Variants in SEMA3A observed in about 807,000 individuals in gnomAD.
SEMA3A encodes the protein semaphorin 3A, also known as semaphorin-3A.
A neutral mutation model predicts 97.9 loss-of-function variants in SEMA3A; 29 were observed. That is an observed-to-expected ratio of 0.30 (90% CI 0.22 to 0.40). The LOEUF (loss-of-function observed/expected upper bound fraction) is 0.40, where lower values mean the gene tolerates loss of function less well. Ranked by LOEUF, SEMA3A falls within the 10% of genes least tolerant of loss-of-function variation. The pLI is 1.00. For synonymous variants in SEMA3A, 321 were observed against 323.7 expected (o/e 0.99, Z 0.09); for missense variants, 763 against 951.3 (o/e 0.80, Z 2.60).
chr7:84,081,118 A>G (rs1430445877), intron 4 of SEMA3A, among the ~76,000 whole-genome samples: 3 of 152,166 alleles, frequency 2.0e-5, no homozygotes, highest in African/African-American at 7.2e-5. Flanking sequence ...AGATCATTGC[A>G]TATATATGTA....
chr7:84,154,011 G>C (rs1354378896), intron 1 of SEMA3A, among the ~76,000 whole-genome samples: 2 of 151,908 alleles, frequency 1.3e-5, no homozygotes, highest in Admixed American at 1.3e-4. Context: ...GAATTCAGGA[G>C]AACACTACAT....
intron 1 of SEMA3A, among the ~76,000 whole-genome samples, chr7:84,173,636 G>A (rs1423747516): frequency 2.7e-5 from 4 of 150,738 alleles, no homozygotes; most frequent in South Asian, 2.1e-4. Flanking sequence ...ATTAGAAACT[G>A]AATACATTTC....
intron 1 of SEMA3A, among the ~76,000 whole-genome samples, chr7:84,473,099 C>T (rs1326936913): frequency 6.7e-6 from 1 of 149,838 alleles, no homozygotes; most frequent in Non-Finnish European, 1.5e-5. Flanking sequence ...CATAAAATTG[C>T]TTCAGAGAAG....
At position 83,958,304 on chromosome 7, in the gene SEMA3A, CAT is replaced by C. The variant is rs1304396828; in HGVS notation, c.*3065_*3066del. ...TTTATGAGCTTATGTTCCTTAACAC[CAT>C]ATGTTATAGGGAACAGTAAAGACAT... On this transcript the variant is annotated 3_prime_UTR_variant, in exon 17 of 17. Transcript: ENST00000265362. 1 of 152,390 alleles carries C rather than the reference CAT, an allele frequency of 6.6e-6. No homozygotes were observed. The highest frequency in any genetic ancestry group is 2.4e-5 in the African/African-American group (1 of 41,390). The allele number at this position is 152,390 out of a possible 1,614,324, so 9.4% of individuals were successfully genotyped here.
chr7:84,164,785 A>T (rs974242133), intron 1 of SEMA3A, among the ~76,000 whole-genome samples: 4 of 152,212 alleles, frequency 2.6e-5, no homozygotes, highest in African/African-American at 9.7e-5. Context: ...GAATCAGAAA[A>T]TAGTTCTTAA....
chr7:84,463,919 A>G (rs918729118), intron 1 of SEMA3A, among the ~76,000 whole-genome samples: 1 of 152,112 alleles, frequency 6.6e-6, no homozygotes, highest in Non-Finnish European at 1.5e-5. Flanking sequence ...TCCAGGGACA[A>G]GGTCCGTACC....
intron 1 of SEMA3A, among the ~76,000 whole-genome samples, chr7:84,415,940 A>C (rs1365756246): frequency 6.6e-6 from 1 of 152,102 alleles, no homozygotes; most frequent in Non-Finnish European, 1.5e-5. Flanking sequence ...ATACGGCACC[A>C]AAATTATCAA....
chr7:84,477,240 C>G (rs1445007898), intron 1 of SEMA3A, among the ~76,000 whole-genome samples: 2 of 150,354 alleles, frequency 1.3e-5, no homozygotes, highest in Non-Finnish European at 3.0e-5. Flanking sequence ...AGTTCAAGAC[C>G]AGCCTGTCCA....
At chr7:84,085,083 T>C (rs1794288703) in intron 4 of SEMA3A, among the ~76,000 whole-genome samples, 2 of 152,054 alleles carry the variant, frequency 1.3e-5, no homozygotes, top group African/African-American at 4.8e-5. Context: ...TTTTTTTTTC[T>C]TTATACATAC....
chr7:84,095,384 T>C (rs1473618150), intron 4 of SEMA3A, among the ~76,000 whole-genome samples: 1 of 84,452 alleles, frequency 1.2e-5, no homozygotes, highest in African/African-American at 3.1e-5. Context: ...TATATATATA[T>C]ATATTCCCAT....
chr7:84,158,151 T>TC (rs1296975573), intron 1 of SEMA3A, among the ~76,000 whole-genome samples: 2 of 119,680 alleles, frequency 1.7e-5, no homozygotes, highest in Non-Finnish European at 3.3e-5. Context: ...GCTAATTCTT[T>TC]TTTTTTTTTT....
intron 3 of SEMA3A, among the ~76,000 whole-genome samples, chr7:84,248,097 T>G (rs1799517108): frequency 6.6e-6 from 1 of 152,200 alleles, no homozygotes; most frequent in Non-Finnish European, 1.5e-5. Context: ...CATACTATCT[T>G]CCTTTATTGC....
chr7:84,161,298 A>G (rs1480315476), intron 1 of SEMA3A, among the ~76,000 whole-genome samples: 2 of 151,878 alleles, frequency 1.3e-5, no homozygotes, highest in African/African-American at 4.8e-5. Flanking sequence ...CGGGAGGTGG[A>G]GGTTGCAGTT....
intron 1 of SEMA3A, among the ~76,000 whole-genome samples, chr7:84,423,299 C>T (rs1370524218): frequency 1.3e-5 from 2 of 151,982 alleles, no homozygotes; most frequent in Non-Finnish European, 2.9e-5. Context: ...GTGGTCTCTC[C>T]ACCTCTTTTA....
intron 1 of SEMA3A, among the ~76,000 whole-genome samples, chr7:84,376,201 AC>A (rs1803092993): frequency 6.6e-6 from 1 of 152,178 alleles, no homozygotes; most frequent in African/African-American, 2.4e-5. Flanking sequence ...TTGGATATAT[AC>A]CCAGCAGTGG....
intron 1 of SEMA3A, among the ~76,000 whole-genome samples, chr7:84,414,599 G>T (rs78895736): frequency 0.026 from 3,982 of 152,048 alleles, 162 homozygotes; most frequent in African/African-American, 0.09. Flanking sequence ...ACAACATCAC[G>T]TGTAGTATTC....
intron 4 of SEMA3A, among the ~76,000 whole-genome samples, chr7:84,070,444 C>A (rs1793697095): frequency 6.6e-6 from 1 of 151,838 alleles, no homozygotes; most frequent in African/African-American, 2.4e-5. Context: ...CAATGTTGTC[C>A]AAGTCATAAA....
In SEMA3A at chr7:83,989,292, CA is replaced by C. The variant is rs555159939; in HGVS notation, c.1453-3816del. ...ATACATTTCATGTTCCTTAATAATACAAAAAAAATCTATAAGGTAGATAAAA... is the reference window on the plus strand; with the variant it reads ...ATACATTTCATGTTCCTTAATAATACAAAAAAATCTATAAGGTAGATAAAA... On this transcript the variant is annotated intron_variant, in intron 12 of 16. Transcript: ENST00000265362. 1.0e-3 allele frequency among the ~76,000 whole-genome samples: 152 copies of C among 151,784 alleles called. 1 individual carries two copies. Among genetic ancestry groups the C allele is most frequent in the African/African-American group, 2.8e-3 (118 of 41,418 alleles).
At chr7:84,465,062 C>T (rs1805955419) in intron 1 of SEMA3A, among the ~76,000 whole-genome samples, 4 of 151,990 alleles carry the variant, frequency 2.6e-5, no homozygotes, top group Admixed American at 2.6e-4. Context: ...GATAAAAAGT[C>T]CTGAAGATTT....
Sources: gnomAD v4.1 joint callset for allele counts (sites outside exome capture counted in the v4.1 genomes callset) on GRCh38, gnomAD v4.1.1 for gene constraint, MANE v1.5 for transcripts, NCBI Gene and HGNC (gene_info 2026-07-23, HGNC 2026-07-21) for gene names.